NSL1: variants seen among roughly 807,000 people sequenced by gnomAD.
The protein encoded by NSL1 is NSL1 component of MIS12 kinetochore complex, also known as kinetochore-associated protein NSL1 homolog.
In NSL1, 11 loss-of-function variants were observed where a neutral mutation model predicts 25.4. That is an observed-to-expected ratio of 0.43 (90% CI 0.27 to 0.72). NSL1 has a LOEUF of 0.72. Among genes scored for constraint, NSL1 ranks in the 30% least tolerant of loss-of-function variants. The pLI, the probability that NSL1 is intolerant of heterozygous loss-of-function variation, is 0.19. For synonymous variants in NSL1, 118 were observed against 120.6 expected (o/e 0.98, Z 0.14); for missense variants, 330 against 342.7 (o/e 0.96, Z 0.29).
chr1:212,762,077 C>T (rs376165931), intron 4 of NSL1, among the ~76,000 whole-genome samples: 1 of 151,582 alleles, frequency 6.6e-6, no homozygotes, highest in African/African-American at 2.4e-5. Context: ...GTGGGTGGAT[C>T]ACCTGAGGTC....
At chr1:212,771,929 A>G (rs1401277534) in intron 4 of NSL1, among the ~76,000 whole-genome samples, 3 of 152,174 alleles carry the variant, frequency 2.0e-5, no homozygotes, top group African/African-American at 7.2e-5. Context: ...TAATTCCCAC[A>G]TATTACAGGA....
rs941152529 is a variant in NSL1 at position 212,737,289 on chromosome 1, C to T, written c.*1119G>A. On this transcript the variant is annotated 3_prime_UTR_variant, in exon 6 of 6. Coordinates refer to ENST00000366977, the MANE Select transcript of NSL1 (RefSeq NM_015471.4). ...TATAAGTTTTCTTCACTGAGACAGA[C>T]CTTCTGGTGACTTCTGGTGAATCTA... The T allele has an allele frequency of 2.4e-5, 24 of 985,060 alleles. No individual in the cohort carries two copies. The highest frequency in any genetic ancestry group is 2.9e-5 in the Non-Finnish European group (24 of 829,740). 61.0% of individuals were successfully genotyped at this position (985,060 alleles called of 1,614,324 possible).
intron 4 of NSL1, among the ~76,000 whole-genome samples, chr1:212,761,728 A>C (rs1259503238): frequency 6.6e-6 from 1 of 152,056 alleles, no homozygotes; most frequent in Admixed American, 6.5e-5. Context: ...ACAGACAAAC[A>C]CAAGGACATA....
At position 212,766,910 on chromosome 1, in the gene NSL1, A is replaced by C. The variant is rs1659846781; in HGVS notation, c.499+15462T>G. On this transcript the variant is annotated intron_variant, in intron 4 of 5. Coordinates refer to ENST00000366977, the MANE Select transcript of NSL1 (RefSeq NM_015471.4). ...GAGGTGAAGGCCCTCTACAAGGAAA[A>C]CTACAAAACACTGCTGAAAGAAATC... is the stretch of plus-strand genomic sequence containing the variant. 2.0e-5 allele frequency among the ~76,000 whole-genome samples: 3 copies of C among 152,222 alleles called. No individual in the cohort carries two copies. The South Asian group carries it at 6.2e-4, about 31-fold the overall frequency.
Position 212,777,205 on chromosome 1 carries a change from C to T in NSL1, c.499+5167G>A, listed in dbSNP as rs1054022653. On this transcript the variant is annotated intron_variant, in intron 4 of 5. Transcript: ENST00000366977. ...CCTGGGTAACATAGTGGGACTCCATCGCTACAAAAAAAAATTTTTTAACTA... is the reference window on the plus strand; with the variant it reads ...CCTGGGTAACATAGTGGGACTCCATTGCTACAAAAAAAAATTTTTTAACTA... 1.5e-4 allele frequency among the ~76,000 whole-genome samples: 23 copies of T among 152,028 alleles called. 1 individual carries two copies. Among genetic ancestry groups the T allele is most frequent in the African/African-American group, 2.2e-4 (9 of 41,462 alleles).
In NSL1 at chr1:212,736,869, C is replaced by G; in HGVS notation, c.*1539G>C. On this transcript the variant is annotated 3_prime_UTR_variant, in exon 6 of 6. Transcript: ENST00000366977. Reference sequence around the variant, plus strand: ...AAACTCTATGTAGCACAATATACCTCTCTTAAAAGGGAGGGACCATGTTCT... The same window carrying G: ...AAACTCTATGTAGCACAATATACCTGTCTTAAAAGGGAGGGACCATGTTCT... 1.0e-6 allele frequency: 1 copy of G among 985,322 alleles called. No homozygotes were observed. Among genetic ancestry groups the G allele is most frequent in the Non-Finnish European group, 1.2e-6 (1 of 829,828 alleles). 61.0% of individuals were successfully genotyped at this position (985,322 alleles called of 1,614,324 possible).
chr1:212,759,502 T>C (rs909564177), intron 4 of NSL1, among the ~76,000 whole-genome samples: 2 of 152,146 alleles, frequency 1.3e-5, no homozygotes, highest in African/African-American at 4.8e-5. Flanking sequence ...GGAGAGCCCC[T>C]TGGCCCCTGC....
At chr1:212,773,247 C>T (rs1369291644) in intron 4 of NSL1, among the ~76,000 whole-genome samples, 3 of 151,964 alleles carry the variant, frequency 2.0e-5, no homozygotes, top group African/African-American at 7.3e-5. Flanking sequence ...TAATGAGACA[C>T]CTGTTGAATG....
chr1:212,767,175 T>G (rs1356227009), intron 4 of NSL1, among the ~76,000 whole-genome samples: 1 of 152,170 alleles, frequency 6.6e-6, no homozygotes, highest in Admixed American at 6.6e-5. Context: ...GGCTTTACAT[T>G]ATCTGACTTC....
intron 4 of NSL1, among the ~76,000 whole-genome samples, chr1:212,758,958 G>A (rs1322304294): frequency 6.6e-6 from 1 of 152,158 alleles, no homozygotes; most frequent in Non-Finnish European, 1.5e-5. Flanking sequence ...AAACAGAATT[G>A]AGAGTTCAGA....
In NSL1 at chr1:212,734,967, C is replaced by T. The variant is rs1658175975; in HGVS notation, c.*3441G>A. 1.3e-5 allele frequency among the ~76,000 whole-genome samples: 2 copies of T among 152,198 alleles called. No homozygotes were observed. The highest frequency in any genetic ancestry group is 1.9e-4 in the East Asian group (1 of 5,202). On this transcript the variant is annotated 3_prime_UTR_variant, in exon 6 of 6. Coordinates refer to ENST00000366977, the MANE Select transcript of NSL1 (RefSeq NM_015471.4). ...ACAGTGATCATAGAGTACTCATATG[C>T]ACCAGTTATTAGTCTAAGGCCTTCA...
At position 212,733,433 on chromosome 1, in the gene NSL1, C is replaced by CAAAAAAAAAA. The variant is rs140675222; in HGVS notation, c.*4965_*4974dup. 7.4e-6 allele frequency among the ~76,000 whole-genome samples: 1 copy of CAAAAAAAAAA among 135,900 alleles called. No homozygotes were observed. The highest frequency in any genetic ancestry group is 2.7e-5 in the African/African-American group (1 of 37,216). 89.2% of individuals were successfully genotyped at this position (135,900 alleles called of 152,430 possible). On this transcript the variant is annotated 3_prime_UTR_variant, in exon 6 of 6. Coordinates refer to ENST00000366977, the MANE Select transcript of NSL1 (RefSeq NM_015471.4). ...GGCAACACAGCAAGACCTTGTTTCA[C>CAAAAAAAAAA]AAAAAAAAAAAAAAAAAAATCCCAT...
Position 212,735,925 on chromosome 1 carries a change from G to A in NSL1, c.*2483C>T, listed in dbSNP as rs1658216230. On this transcript the variant is annotated 3_prime_UTR_variant, in exon 6 of 6. Coordinates refer to ENST00000366977, the MANE Select transcript of NSL1 (RefSeq NM_015471.4). ...CTGTTGTTTAAGCCACCCAGCCTGT[G>A]GTATTCTGTTATAGTAGCCTAAATA... is the stretch of plus-strand genomic sequence containing the variant. The A allele has an allele frequency of 1.0e-5, 10 of 981,506 alleles. No homozygotes were observed. Among genetic ancestry groups the A allele is most frequent in the South Asian group, 9.4e-5 (2 of 21,186 alleles). 60.8% of individuals were successfully genotyped at this position (981,506 alleles called of 1,614,324 possible).
Position 212,737,807 on chromosome 1 carries a change from G to T in NSL1, c.*601C>A. The T allele has an allele frequency of 1.0e-6, 1 of 985,316 alleles. No individual in the cohort carries two copies. The highest frequency in any genetic ancestry group is 1.2e-6 in the Non-Finnish European group (1 of 829,878). The allele number at this position is 985,316 out of a possible 1,614,324, so 61.0% of individuals were successfully genotyped here. ...AAAGAGTAATGTTGCACAAATAATA[G>T]TTATCATTGTCTTACACAACAAAAA... On this transcript the variant is annotated 3_prime_UTR_variant, in exon 6 of 6. Coordinates refer to ENST00000366977, the MANE Select transcript of NSL1 (RefSeq NM_015471.4).
intron 4 of NSL1, among the ~76,000 whole-genome samples, chr1:212,767,196 G>C (rs10863993): frequency 0.4 from 61,150 of 152,032 alleles, 13,939 homozygotes; most frequent in Non-Finnish European, 0.51. Flanking sequence ...AAACTATACT[G>C]TTAGGCCACA....
rs1190421843 is a variant in NSL1 at position 212,729,414 on chromosome 1, T to G, written c.*8994A>C. On this transcript the variant is annotated 3_prime_UTR_variant, in exon 6 of 6. Transcript: ENST00000366977. ...GCACAGTATTTAGATTCATCGAGTATGTGTGTAATAAAAGGTGTGGCTACG... is the reference window on the plus strand; with the variant it reads ...GCACAGTATTTAGATTCATCGAGTAGGTGTGTAATAAAAGGTGTGGCTACG... The G allele has an allele frequency of 3.0e-6, 3 of 984,544 alleles. No individual in the cohort carries two copies. The highest frequency in any genetic ancestry group is 3.6e-6 in the Non-Finnish European group (3 of 829,218). The allele number at this position is 984,544 out of a possible 1,614,324, so 61.0% of individuals were successfully genotyped here.
At chr1:212,748,712 A>G (rs1189250610) in intron 4 of NSL1, among the ~76,000 whole-genome samples, 2 of 152,218 alleles carry the variant, frequency 1.3e-5, no homozygotes, top group Non-Finnish European at 2.9e-5. Flanking sequence ...TAATGACTAA[A>G]AAGGGGTATG....
At position 212,731,877 on chromosome 1, in the gene NSL1, T is replaced by G. The variant is rs1226495708; in HGVS notation, c.*6531A>C. On this transcript the variant is annotated 3_prime_UTR_variant, in exon 6 of 6. Coordinates refer to ENST00000366977, the MANE Select transcript of NSL1 (RefSeq NM_015471.4). ...CTCTGGCTGCTCCAGCTCCATGTCCTGGGACACCCTACCCTGCCCCAGGAC... is the reference window on the plus strand; with the variant it reads ...CTCTGGCTGCTCCAGCTCCATGTCCGGGGACACCCTACCCTGCCCCAGGAC... The G allele has an allele frequency of 1.0e-6, 1 of 985,284 alleles. No individual in the cohort carries two copies. The highest frequency in any genetic ancestry group is 1.2e-6 in the Non-Finnish European group (1 of 829,912). 61.0% of individuals were successfully genotyped at this position (985,284 alleles called of 1,614,324 possible).
intron 4 of NSL1, among the ~76,000 whole-genome samples, chr1:212,780,011 A>T (rs1327486978): frequency 2.0e-5 from 3 of 151,996 alleles, no homozygotes. Flanking sequence ...TGTACCCAAC[A>T]GCTCATTGAG....
Sources: gnomAD v4.1 joint callset for allele counts (sites outside exome capture counted in the v4.1 genomes callset) on GRCh38, gnomAD v4.1.1 for gene constraint, MANE v1.5 for transcripts, NCBI Gene and HGNC (gene_info 2026-07-23, HGNC 2026-07-21) for gene names.